The following RNF170 variants were observed in gnomAD, a reference collection of about 807,000 sequenced individuals.
RNF170 encodes E3 ubiquitin-protein ligase RNF170.
In RNF170, 12 loss-of-function variants were observed where a neutral mutation model predicts 32.7. The ratio of observed to expected loss-of-function variants is 0.37; its 90% confidence interval spans 0.24 to 0.60. RNF170 has a LOEUF of 0.60. Among genes scored for constraint, RNF170 ranks in the 20% least tolerant of loss-of-function variants. The pLI, the probability that RNF170 is intolerant of heterozygous loss-of-function variation, is 0.72. For missense variants in RNF170, 212 were observed against 311.2 expected (o/e 0.68, Z 2.40); for synonymous variants, 91 against 103.6 (o/e 0.88, Z 0.74).
chr8:42,896,040 C>G (rs1357284905), intron 1 of RNF170, among the ~76,000 whole-genome samples: 1 of 152,182 alleles, frequency 6.6e-6, no homozygotes, highest in Non-Finnish European at 1.5e-5. Flanking sequence ...CAGACAGATT[C>G]GTGCCTCTAA....
chr8:42,889,392 A>G (rs1254936213), intron 1 of RNF170: 2 of 152,212 alleles, frequency 1.3e-5, no homozygotes, highest in East Asian at 3.8e-4. Flanking sequence ...CAAAACAGGA[A>G]GTGTCAAAGT....
intron 6 of RNF170, among the ~76,000 whole-genome samples, chr8:42,860,395 G>A (rs1212381398): frequency 6.6e-6 from 1 of 152,118 alleles, no homozygotes; most frequent in Non-Finnish European, 1.5e-5. Context: ...CTTTTAAATA[G>A]CTAAGATGAC....
chr8:42,896,369 C>A, intron 1 of RNF170, 115 bp downstream of exon 1: 1 of 426,244 alleles, frequency 2.3e-6, no homozygotes, highest in Admixed American at 2.6e-5. Context: ...GGCGGCGACT[C>A]CCGCCGCCCC....
chr8:42,895,722 T>C (rs1156544227), intron 1 of RNF170, among the ~76,000 whole-genome samples: 2 of 152,192 alleles, frequency 1.3e-5, no homozygotes, highest in Non-Finnish European at 2.9e-5. Context: ...AGTACACCAA[T>C]TTAATACTGA....
intron 1 of RNF170, among the ~76,000 whole-genome samples, chr8:42,893,110 G>C (rs1806450271): frequency 6.6e-6 from 1 of 152,134 alleles, no homozygotes; most frequent in Non-Finnish European, 1.5e-5. Flanking sequence ...TTTAAAGAAT[G>C]AATTCCTTTC....
rs192815933 is a variant in RNF170 at position 42,886,235 on chromosome 8, T to A, written c.137+1493A>T. Among the ~76,000 whole-genome samples the A allele has an allele frequency of 8.9e-3, 1,329 of 149,998 alleles. 18 individuals are homozygous for A. Among genetic ancestry groups the A allele is most frequent in the Admixed American group, 0.036 (539 of 14,978 alleles). On this transcript the variant is annotated intron_variant, in intron 2 of 6. Coordinates refer to ENST00000527424, the MANE Select transcript of RNF170 (RefSeq NM_030954.4). Reference sequence around the variant, plus strand: ...TGAGACTCGGTCTCAAAAAAAAAAATAATAATAATAATAGAAAAGGCCCAA... The same window carrying A: ...TGAGACTCGGTCTCAAAAAAAAAAAAAATAATAATAATAGAAAAGGCCCAA...
rs1804711053 is a variant in RNF170, at chr8:42,873,909, CAAATAAATACATAT to C, written c.213+8_213+21del. On this transcript the variant is annotated splice_region_variant and intron_variant, in intron 3 of 6. Transcript: ENST00000527424. ...AAAGGGAGCTATCACATCTACTCCTCAAATAAATACATATACAATACCTGTTCTGTTTGAAGCTG... is the reference window on the plus strand; with the variant it reads ...AAAGGGAGCTATCACATCTACTCCTCACAATACCTGTTCTGTTTGAAGCTG... The C allele has an allele frequency of 7.3e-7, 1 of 1,377,142 alleles. No individual in the cohort carries two copies. The allele number at this position is 1,377,142 out of a possible 1,614,324, so 85.3% of individuals were successfully genotyped here.
At chr8:42,879,142 T>C (rs1190549392) in intron 2 of RNF170, among the ~76,000 whole-genome samples, 2 of 152,232 alleles carry the variant, frequency 1.3e-5, no homozygotes, top group Non-Finnish European at 2.9e-5. Flanking sequence ...CCACGAGCTC[T>C]AATGGAGATG....
chr8:42,877,820 AAG>A (rs1467052060), intron 2 of RNF170, among the ~76,000 whole-genome samples: 1 of 152,242 alleles, frequency 6.6e-6, no homozygotes, highest in Admixed American at 6.5e-5. Context: ...AAGGGCACTT[AAG>A]AGAGTAAGAA....
Position 42,855,826 on chromosome 8 carries a change from C to G in RNF170, c.*333G>C. The G allele has an allele frequency of 8.2e-7, 1 of 1,218,566 alleles. No individual in the cohort carries two copies. Among genetic ancestry groups the G allele is most frequent in the Non-Finnish European group, 1.1e-6 (1 of 933,396 alleles). 75.5% of individuals were successfully genotyped at this position (1,218,566 alleles called of 1,614,324 possible). The stretch of plus-strand genomic sequence containing the variant: ...TAAACTGACATTTAACAATATTTTA[C>G]TATACATCTAATTAATCTAAGTAAT... On this transcript the variant is annotated 3_prime_UTR_variant, in exon 7 of 7. Coordinates refer to ENST00000527424, the MANE Select transcript of RNF170 (RefSeq NM_030954.4).
intron 1 of RNF170, among the ~76,000 whole-genome samples, chr8:42,892,551 A>G (rs1469473666): frequency 6.6e-6 from 1 of 152,110 alleles, no homozygotes; most frequent in Non-Finnish European, 1.5e-5. Flanking sequence ...ACTGTGCTCA[A>G]TTGCTTCACC....
At chr8:42,864,242 C>T (rs1803920982) in intron 5 of RNF170, among the ~76,000 whole-genome samples, 1 of 151,782 alleles carries the variant, frequency 6.6e-6, no homozygotes, top group East Asian at 1.9e-4. Context: ...TACAGGTATA[C>T]ACCACCACAC....
intron 6 of RNF170, chr8:42,861,540 A>C: frequency 1.9e-6 from 1 of 534,992 alleles, no homozygotes. Context: ...ATGGGGTTTC[A>C]TCATGTTTCC....
At chr8:42,881,246 G>A (rs544734539) in intron 2 of RNF170, 14 of 152,336 alleles carry the variant, frequency 9.2e-5, no homozygotes, top group African/African-American at 3.4e-4. Flanking sequence ...GCCAGGTGTG[G>A]CGGTGCGCAC....
At chr8:42,897,175 G>T, upstream of RNF170, 1 of 1,248,864 alleles carries the variant, frequency 8.0e-7, no homozygotes, top group East Asian at 3.1e-5. Flanking sequence ...CTGTGCGAGA[G>T]CCTCCTCACT....
chr8:42,886,539 C>T (rs868752065), intron 2 of RNF170, among the ~76,000 whole-genome samples: 1 of 152,148 alleles, frequency 6.6e-6, no homozygotes, highest in African/African-American at 2.4e-5. Context: ...GATTCTCACG[C>T]CTCAGCCGCC....
chr8:42,860,178 A>C lies in RNF170; in HGVS notation c.507+1567T>G, dbSNP rs1460827916. On this transcript the variant is annotated intron_variant, in intron 6 of 6. Transcript: ENST00000527424. ...GGAAGCGAAGCAGTTGGATCTACAG[A>C]GTCTGGAGCTCAGAGGAGAGGTCTG... 2.0e-5 allele frequency among the ~76,000 whole-genome samples: 3 copies of C among 152,208 alleles called. No homozygotes were observed. In the East Asian group the frequency reaches 5.8e-4, roughly 29 times the overall value.
upstream of RNF170, chr8:42,896,748 A>AGCGGCAGCG (rs1554506590): frequency 6.9e-6 from 1 of 145,666 alleles, no homozygotes; most frequent in East Asian, 2.0e-4. Context: ...GCCCGGCGGC[A>AGCGGCAGCG]GCGGCGGCGG....
rs1803022128 is a variant in RNF170, at chr8:42,853,637, T to G, written c.*2522A>C. 3.9e-6 allele frequency: 5 copies of G among 1,283,722 alleles called. No homozygotes were observed. Among genetic ancestry groups the G allele is most frequent in the Non-Finnish European group, 5.1e-6 (5 of 986,452 alleles). 79.5% of individuals were successfully genotyped at this position (1,283,722 alleles called of 1,614,324 possible). ...TTTAAAAAAAATCCAAATTGTTACT[T>G]TGATTTATATGATCTAACTCTGAAT... On this transcript the variant is annotated 3_prime_UTR_variant, in exon 7 of 7. Transcript: ENST00000527424.
Sources: gnomAD v4.1 joint callset for allele counts (sites outside exome capture counted in the v4.1 genomes callset) on GRCh38, gnomAD v4.1.1 for gene constraint, MANE v1.5 for transcripts, NCBI Gene and HGNC (gene_info 2026-07-23, HGNC 2026-07-21) for gene names.